Variants in HOMER1 observed in about 807,000 individuals in gnomAD.
HOMER1 encodes the protein homer scaffold protein 1.
A neutral mutation model predicts 48.9 loss-of-function variants in HOMER1; 3 were observed. That is an observed-to-expected ratio of 0.06 (90% CI 0.03 to 0.16). The LOEUF is 0.16. HOMER1 is among the 10% of genes least tolerant of loss of function. The pLI is 1.00. For synonymous variants in HOMER1, 134 were observed against 146.4 expected (o/e 0.92, Z 0.61); for missense variants, 247 against 411.4 (o/e 0.60, Z 3.46).
At chr5:79,467,200 G>A (rs934673503) in intron 1 of HOMER1, among the ~76,000 whole-genome samples, 2 of 151,878 alleles carry the variant, frequency 1.3e-5, no homozygotes, top group Non-Finnish European at 2.9e-5. Context: ...AGACCAGCCT[G>A]GTCAACATGG....
intron 8 of HOMER1, among the ~76,000 whole-genome samples, chr5:79,389,691 A>C (rs1488692543): frequency 6.6e-6 from 1 of 152,170 alleles, no homozygotes; most frequent in African/African-American, 2.4e-5. Context: ...ACCCGCCCGT[A>C]CCTTGACCTC....
At chr5:79,423,328 G>A (rs1030393367) in intron 5 of HOMER1, among the ~76,000 whole-genome samples, 1 of 152,058 alleles carries the variant, frequency 6.6e-6, no homozygotes. Context: ...GAATCTATAA[G>A]CCTAGCTATT....
intron 5 of HOMER1, among the ~76,000 whole-genome samples, chr5:79,424,017 A>C (rs1262230880): frequency 6.6e-6 from 1 of 152,110 alleles, no homozygotes; most frequent in Non-Finnish European, 1.5e-5. Context: ...TATTAGGTTC[A>C]GAACACATTC....
At chr5:79,462,766 A>G (rs1751348969) in intron 1 of HOMER1, among the ~76,000 whole-genome samples, 1 of 152,236 alleles carries the variant, frequency 6.6e-6, no homozygotes, top group Non-Finnish European at 1.5e-5. Flanking sequence ...GCTGTTTTAC[A>G]GTTACCAATG....
In HOMER1 at chr5:79,451,081, G is replaced by T; in HGVS notation, c.203C>A (p.Thr68Asn). Residue 68 changes from threonine to asparagine, a missense_variant, in exon 3 of 9, where the codon ACT becomes AAT. By Grantham distance (65) the Thr-to-Asn change is moderately conservative (BLOSUM62 0). This residue lies in a region of HOMER1 where 38 missense variants were observed against 114.9 expected (regional missense o/e 0.33). Coordinates refer to ENST00000334082, the MANE Select transcript of HOMER1 (RefSeq NM_004272.5). Reference protein sequence around the residue: ...NSTITPNMTFTKTSQKFGQWA... With the variant: ...NSTITPNMTFNKTSQKFGQWA... ...CTGGCCAAACTTCTGAGATGTTTTA[G>T]TAAATGTCATGTTTGGGGTGATGGT... The T allele has an allele frequency of 6.2e-7, 1 of 1,613,806 alleles. No individual in the cohort carries two copies. The highest frequency in any genetic ancestry group is 8.5e-7 in the Non-Finnish European group (1 of 1,179,762).
chr5:79,438,133 T>C (rs1750644986), intron 5 of HOMER1, among the ~76,000 whole-genome samples: 1 of 152,206 alleles, frequency 6.6e-6, no homozygotes, highest in South Asian at 2.1e-4. Context: ...AGTATCTCAC[T>C]TCAATTTTGC....
rs1475098055 is a variant in HOMER1, at chr5:79,413,964, G to A, written c.528-11909C>T. On this transcript the variant is annotated intron_variant, in intron 5 of 8. Transcript: ENST00000334082. ...CTGCTAGGCAAATAGCCTAGTATAT[G>A]AAGGAAATTTTCTATTAGATATAAC... is the stretch of plus-strand genomic sequence containing the variant. 2.0e-5 allele frequency among the ~76,000 whole-genome samples: 3 copies of A among 152,268 alleles called. No individual in the cohort carries two copies. The East Asian group carries it at 5.8e-4, about 29-fold the overall frequency.
Position 79,380,727 on chromosome 5 carries a change from G to A in HOMER1, c.877-4530C>T, listed in dbSNP as rs572588303. Among the ~76,000 whole-genome samples, 53 of 152,206 alleles carry A rather than the reference G, an allele frequency of 3.5e-4. 1 individual carries two copies. The highest frequency in any genetic ancestry group is 8.3e-4 in the South Asian group (4 of 4,830). On this transcript the variant is annotated intron_variant, in intron 8 of 8. Transcript: ENST00000334082. ...TCACAGCATATAATCGGGGGGTAGG[G>A]GGAGTGAAGGGATTGCCCAGCCCAG...
intron 8 of HOMER1, among the ~76,000 whole-genome samples, chr5:79,394,459 T>C (rs1222423350): frequency 6.6e-6 from 1 of 152,220 alleles, no homozygotes. Flanking sequence ...TGTCCTGTTC[T>C]AGGTAGGTTG....
chr5:79,380,216 T>G (rs1427170833), intron 8 of HOMER1, among the ~76,000 whole-genome samples: 1 of 152,138 alleles, frequency 6.6e-6, no homozygotes, highest in Non-Finnish European at 1.5e-5. Context: ...ATCTCTTGGC[T>G]CTCACAGGCA....
intron 1 of HOMER1, among the ~76,000 whole-genome samples, chr5:79,485,656 G>T (rs1157078530): frequency 6.6e-6 from 1 of 152,210 alleles, no homozygotes; most frequent in African/African-American, 2.4e-5. Flanking sequence ...ACTGTGGTAA[G>T]TGTTACCAAG....
chr5:79,455,718 A>G (rs918790801), intron 2 of HOMER1, among the ~76,000 whole-genome samples: 2 of 152,200 alleles, frequency 1.3e-5, no homozygotes, highest in African/African-American at 4.8e-5. Flanking sequence ...TTTAATTGCT[A>G]AAATTCCTGA....
At chr5:79,407,494 A>G (rs1749697387) in intron 5 of HOMER1, among the ~76,000 whole-genome samples, 1 of 152,200 alleles carries the variant, frequency 6.6e-6, no homozygotes, top group Non-Finnish European at 1.5e-5. Flanking sequence ...AGAGCAATGA[A>G]AACTATGGGA....
At chr5:79,486,241 C>T (rs1399718128) in intron 1 of HOMER1, among the ~76,000 whole-genome samples, 3 of 152,236 alleles carry the variant, frequency 2.0e-5, no homozygotes, top group Non-Finnish European at 2.9e-5. Context: ...TGAGCTCTCT[C>T]TCACAAACTC....
intron 1 of HOMER1, among the ~76,000 whole-genome samples, chr5:79,498,651 C>T (rs1189728422): frequency 6.6e-6 from 1 of 152,070 alleles, no homozygotes; most frequent in Non-Finnish European, 1.5e-5. Context: ...TCTGCTCAGC[C>T]AATGGCAGCA....
intron 1 of HOMER1, among the ~76,000 whole-genome samples, chr5:79,503,188 A>G (rs1752652648): frequency 6.6e-6 from 1 of 152,218 alleles, no homozygotes; most frequent in Non-Finnish European, 1.5e-5. Context: ...TATGTGTATT[A>G]TATACTGTAC....
At chr5:79,502,940 G>T (rs369942535) in intron 1 of HOMER1, among the ~76,000 whole-genome samples, 1 of 151,882 alleles carries the variant, frequency 6.6e-6, no homozygotes, top group Non-Finnish European at 1.5e-5. Flanking sequence ...ACAGGCGCCC[G>T]CCACCACGCC....
chr5:79,498,323 G>A (rs913493071), intron 1 of HOMER1, among the ~76,000 whole-genome samples: 1 of 152,180 alleles, frequency 6.6e-6, no homozygotes, highest in Non-Finnish European at 1.5e-5. Context: ...TTGAACCCAG[G>A]AAGCGGAGGT....
At chr5:79,479,737 T>C (rs1026376443) in intron 1 of HOMER1, among the ~76,000 whole-genome samples, 2 of 152,184 alleles carry the variant, frequency 1.3e-5, no homozygotes, top group African/African-American at 4.8e-5. Context: ...AGAAAACTAA[T>C]ACAGTAATAG....
Sources: allele counts gnomAD v4.1 joint callset (sites outside exome capture counted in the v4.1 genomes callset), GRCh38; gene constraint gnomAD v4.1.1; regional missense constraint gnomAD v4.1.1; transcripts MANE v1.5; gene names NCBI Gene and HGNC (gene_info 2026-07-23, HGNC 2026-07-21).